The following DISP1 variants were observed in gnomAD, a reference collection of about 807,000 sequenced individuals.
DISP1 encodes protein dispatched homolog 1.
DISP1 carries 30 observed loss-of-function variants against 37.3 expected under a neutral mutation model. The observed-to-expected ratio is 0.80, with a 90% confidence interval of 0.60 to 1.09. DISP1 has a LOEUF of 1.09. DISP1 is among the 50% of genes least tolerant of loss of function. The probability of loss-of-function intolerance (pLI) is 0.00; values close to 1 mark genes in which losing one functional copy is unlikely to be tolerated. For missense variants in DISP1, 1,598 were observed against 1,879.5 expected, an observed-to-expected ratio of 0.85 and a Z score of 2.77; for synonymous variants, 634 against 690.2, an observed-to-expected ratio of 0.92 and a Z score of 1.28.
At chr1:222,916,264 C>T (rs1394160596) in intron 1 of DISP1, among the ~76,000 whole-genome samples, 4 of 152,148 alleles carry the variant, frequency 2.6e-5, no homozygotes, top group Admixed American at 1.3e-4. Context: ...AATATATGGT[C>T]GCTTGATATG....
At chr1:222,889,996 T>C (rs568915486) in intron 1 of DISP1, among the ~76,000 whole-genome samples, 2 of 152,346 alleles carry the variant, frequency 1.3e-5, no homozygotes, top group African/African-American at 4.8e-5. Context: ...AAAAAAGATT[T>C]ACTTTAGCAT....
intron 1 of DISP1, among the ~76,000 whole-genome samples, chr1:222,909,006 A>G (rs906979892): frequency 6.6e-6 from 1 of 152,152 alleles, no homozygotes; most frequent in African/African-American, 2.4e-5. Context: ...TTTCTACAAA[A>G]AAGACTTGGG....
chr1:222,858,701 A>G (rs1423150217), intron 1 of DISP1, among the ~76,000 whole-genome samples: 1 of 127,556 alleles, frequency 7.8e-6, no homozygotes. Flanking sequence ...AAAAGGAGAC[A>G]TTCATGCAGC....
At position 223,005,088 on chromosome 1, in the gene DISP1, G is replaced by C. The variant is rs755222820; in HGVS notation, c.3691G>C (p.Val1231Leu). 2.3e-5 allele frequency: 37 copies of C among 1,614,078 alleles called. No individual in the cohort carries two copies. The highest frequency in any genetic ancestry group is 2.9e-5 in the Non-Finnish European group (34 of 1,180,050). ...NSQAKNLGMP[V>L]HAAYNSELSK... ...CCAAGCAAAGAATTTAGGGATGCCTGTGCATGCAGCTTACAACAGTGAACT... is the reference window on the plus strand; with the variant it reads ...CCAAGCAAAGAATTTAGGGATGCCTCTGCATGCAGCTTACAACAGTGAACT... The change falls in exon 9 of 9, where the codon GTG becomes CTG. Residue 1231 changes from valine (V) to leucine (L), a missense_variant. Val to Leu is a conservative substitution (Grantham distance 32). Coordinates refer to ENST00000675850, the MANE Select transcript of DISP1 (RefSeq NM_001377229.1).
At chr1:222,831,290 C>T (rs1665674779) in intron 1 of DISP1, among the ~76,000 whole-genome samples, 1 of 152,040 alleles carries the variant, frequency 6.6e-6, no homozygotes, top group African/African-American at 2.4e-5. Flanking sequence ...TGCACAAATA[C>T]ACATGTGGAA....
intron 3 of DISP1, among the ~76,000 whole-genome samples, chr1:222,978,781 A>G (rs922640579): frequency 1.3e-5 from 2 of 151,926 alleles, no homozygotes; most frequent in Admixed American, 1.3e-4. Flanking sequence ...ATAGGGAATC[A>G]TTTCCCCATT....
At chr1:222,910,939 C>T (rs569266497) in intron 1 of DISP1, among the ~76,000 whole-genome samples, 6 of 152,254 alleles carry the variant, frequency 3.9e-5, no homozygotes, top group Middle Eastern at 3.4e-3. Flanking sequence ...TGGAATCCTT[C>T]TAGTAGGCAC....
intron 1 of DISP1, among the ~76,000 whole-genome samples, chr1:222,842,087 G>C (rs1334992824): frequency 6.6e-6 from 1 of 152,102 alleles, no homozygotes; most frequent in Non-Finnish European, 1.5e-5. Context: ...AGTGGTCTAG[G>C]AAAGAGGTCT....
chr1:222,893,623 C>T lies in DISP1; in HGVS notation c.-158-34807C>T, dbSNP rs1671068687. On this transcript the variant is annotated intron_variant, in intron 1 of 8. Transcript: ENST00000675850. The surrounding 1 kb of genome is among the most constrained non-coding windows in gnomAD (Gnocchi z 4.3). ...GAAGGCTGCGGCTTGACCAGATGTACTGCATGCAGCTTCCACTGCGGGCAC... is the reference window on the plus strand; with the variant it reads ...GAAGGCTGCGGCTTGACCAGATGTATTGCATGCAGCTTCCACTGCGGGCAC... Among the ~76,000 whole-genome samples, 1 of 152,206 alleles carries T rather than the reference C, an allele frequency of 6.6e-6. No homozygotes were observed. The highest frequency in any genetic ancestry group is 2.4e-5 in the African/African-American group (1 of 41,454).
intron 3 of DISP1, among the ~76,000 whole-genome samples, chr1:222,952,327 T>C (rs537716810): frequency 8.5e-5 from 13 of 152,344 alleles, no homozygotes; most frequent in African/African-American, 3.1e-4. Flanking sequence ...GTTTCCATCA[T>C]TGCAGAGAGT....
intron 1 of DISP1, among the ~76,000 whole-genome samples, chr1:222,822,141 C>A (rs1202262325): frequency 6.6e-6 from 1 of 152,144 alleles, no homozygotes; most frequent in Non-Finnish European, 1.5e-5. Context: ...TATTTGTGCT[C>A]AAGATCCAGT....
intron 1 of DISP1, among the ~76,000 whole-genome samples, chr1:222,924,536 A>G (rs1294100559): frequency 1.3e-5 from 2 of 152,116 alleles, no homozygotes; most frequent in Non-Finnish European, 2.9e-5. Flanking sequence ...TCTGGTCTGA[A>G]GTTTTCAGTG....
At chr1:222,849,062 A>G (rs548179327) in intron 1 of DISP1, among the ~76,000 whole-genome samples, 2 of 152,294 alleles carry the variant, frequency 1.3e-5, no homozygotes, top group South Asian at 4.1e-4. Flanking sequence ...TCAAGAGTGA[A>G]TGTGTGTATA....
intron 1 of DISP1, among the ~76,000 whole-genome samples, chr1:222,846,330 A>G (rs1667893530): frequency 6.6e-6 from 1 of 152,172 alleles, no homozygotes; most frequent in South Asian, 2.1e-4. Flanking sequence ...CGTCTCTACT[A>G]AAAATACAAA....
At chr1:222,933,800 GGAA>G (rs1342553028) in intron 2 of DISP1, among the ~76,000 whole-genome samples, 1 of 151,820 alleles carries the variant, frequency 6.6e-6, no homozygotes, top group Non-Finnish European at 1.5e-5. Context: ...GTCTCAGGAG[GGAA>G]GAAGATTATA....
chr1:222,840,120 A>AT (rs764673332), intron 1 of DISP1, among the ~76,000 whole-genome samples: 3 of 152,352 alleles, frequency 2.0e-5, no homozygotes, highest in East Asian at 3.9e-4. Flanking sequence ...CAGAATGGTC[A>AT]TATGGGTACC....
chr1:222,884,500 G>A (rs536301501), intron 1 of DISP1, among the ~76,000 whole-genome samples: 4 of 152,172 alleles, frequency 2.6e-5, no homozygotes, highest in South Asian at 4.2e-4. Context: ...ATTTTAAAGA[G>A]CATTTTTAAG....
intron 3 of DISP1, among the ~76,000 whole-genome samples, chr1:222,976,279 G>A (rs1677321123): frequency 6.6e-6 from 1 of 152,134 alleles, no homozygotes; most frequent in Non-Finnish European, 1.5e-5. Flanking sequence ...GATATTAAAA[G>A]TAGCAAATCC....
chr1:222,953,385 A>C (rs1297786924), intron 3 of DISP1, among the ~76,000 whole-genome samples: 2 of 152,180 alleles, frequency 1.3e-5, no homozygotes, highest in Non-Finnish European at 2.9e-5. Flanking sequence ...GCTATTACTG[A>C]ACCTGGTTTA....
Sources: allele counts gnomAD v4.1 joint callset (sites outside exome capture counted in the v4.1 genomes callset), GRCh38; gene constraint gnomAD v4.1.1; non-coding constraint Gnocchi (gnomAD v3.1); transcripts MANE v1.5; gene names NCBI Gene and HGNC (gene_info 2026-07-23, HGNC 2026-07-21).